MARCHF9: variants seen among roughly 807,000 people sequenced by gnomAD.
MARCHF9 encodes E3 ubiquitin-protein ligase MARCHF9.
A neutral mutation model predicts 35.2 loss-of-function variants in MARCHF9; 17 were observed. The ratio of observed to expected loss-of-function variants is 0.48; its 90% CI spans 0.33 to 0.72. The LOEUF (loss-of-function observed/expected upper bound fraction) is 0.72. Ranked by LOEUF, MARCHF9 falls within the 30% of genes least tolerant of loss-of-function variation. The pLI is 0.02. For missense variants in MARCHF9, 386 were observed against 478.2 expected, an observed-to-expected ratio of 0.81 and a Z score of 1.80; for synonymous variants, 183 against 207.4, an observed-to-expected ratio of 0.88 and a Z score of 1.01.
At chr12:57,756,510 A>C (rs1955288792) in intron 1 of MARCHF9, among the ~76,000 whole-genome samples, 1 of 151,958 alleles carries the variant, frequency 6.6e-6, no homozygotes. Flanking sequence ...AACCCATCCC[A>C]GTTTGCGCCA....
Position 57,758,678 on chromosome 12 carries a change from A to AG in MARCHF9, c.827dup (p.Gly277ArgfsTer115). ...AGACCAAGGACATAGGAGGAGATGCAGGGGGAGGGACGGCAGGGAAGTCAG... is the reference window on the plus strand; with the variant it reads ...AGACCAAGGACATAGGAGGAGATGCAGGGGGGAGGGACGGCAGGGAAGTCAG... On this transcript the variant is annotated frameshift_variant, in exon 4 of 4. Transcript: ENST00000266643. LOFTEE classifies it high-confidence loss of function. This position sits in a 1 kb window ranked among gnomAD's most constrained non-coding sequence, Gnocchi z 5.4. 6.2e-7 allele frequency: 1 copy of AG among 1,613,538 alleles called. No individual in the cohort carries two copies.
Position 57,758,567 on chromosome 12 carries a change from C to T in MARCHF9, c.711C>T (p.Leu237=), listed in dbSNP as rs778347559. The change falls in exon 4 of 4, where the codon CTC becomes CTT. Residue 237 remains leucine (L), a synonymous_variant. Coordinates refer to ENST00000266643, the MANE Select transcript of MARCHF9 (RefSeq NM_138396.6). This position sits in a 1 kb window ranked among gnomAD's most constrained non-coding sequence, Gnocchi z 5.4. ...TTTCTTATTCCTATTGCTCAGGCCTCATCATCCATGAAGGCTCCTCTGTCT... is the reference window on the plus strand; with the variant it reads ...TTTCTTATTCCTATTGCTCAGGCCTTATCATCCATGAAGGCTCCTCTGTCT... ...YGFMDVVCIG[L]IIHEGSSVYR... 3.4e-5 allele frequency: 55 copies of T among 1,605,162 alleles called. No individual in the cohort carries two copies. In the African/African-American group the frequency reaches 6.3e-4, roughly 18 times the overall value.
In MARCHF9 at chr12:57,758,579, A is replaced by G; in HGVS notation, c.723A>G (p.Glu241=). The change falls in exon 4 of 4, where the codon GAA becomes GAG. Residue 241 remains glutamate, a synonymous_variant. Coordinates refer to ENST00000266643, the MANE Select transcript of MARCHF9 (RefSeq NM_138396.6). This position sits in a 1 kb window ranked among gnomAD's most constrained non-coding sequence, Gnocchi z 5.4. ...DVVCIGLIIH[E]GSSVYRIFKR... The stretch of plus-strand genomic sequence containing the variant: ...ATTGCTCAGGCCTCATCATCCATGA[A>G]GGCTCCTCTGTCTACCGCATCTTCA... The G allele has an allele frequency of 1.9e-6, 3 of 1,609,472 alleles. No individual in the cohort carries two copies. The highest frequency in any genetic ancestry group is 2.5e-6 in the Non-Finnish European group (3 of 1,177,038).
chr12:57,758,767 G>C lies in MARCHF9; in HGVS notation c.911G>C (p.Arg304Pro). ...GATSRPPAAQ[R>P]MRTLLPQRCG... ...ACGAGCCGCCCCCCAGCTGCCCAGCGCATGCGGACGCTCTTGCCTCAGCGC... is the reference window on the plus strand; with the variant it reads ...ACGAGCCGCCCCCCAGCTGCCCAGCCCATGCGGACGCTCTTGCCTCAGCGC... The change falls in exon 4 of 4, where the codon CGC (arginine) becomes CCC (proline). Residue 304 changes from arginine (R) to proline (P), a missense_variant. Physicochemically the swap from Arg to Pro is moderately radical, Grantham distance 103. Coordinates refer to ENST00000266643, the MANE Select transcript of MARCHF9 (RefSeq NM_138396.6). The surrounding 1 kb of genome is among the most constrained non-coding windows in gnomAD (Gnocchi z 5.4). 1 of 1,612,686 alleles carries C rather than the reference G, an allele frequency of 6.2e-7. No individual in the cohort carries two copies. The highest frequency in any genetic ancestry group is 8.5e-7 in the Non-Finnish European group (1 of 1,179,480).
chr12:57,757,985 CAG>C, intron 2 of MARCHF9, 121 bp from the exon 3 acceptor site: 1 of 931,154 alleles, frequency 1.1e-6, no homozygotes, highest in Non-Finnish European at 1.7e-6. Flanking sequence ...ACAGAGAAGA[CAG>C]ATGTTGATCC....
In MARCHF9 at chr12:57,758,783, G is replaced by T; in HGVS notation, c.927G>T (p.Leu309Phe). The change falls in exon 4 of 4, where the codon TTG (leucine) becomes TTT (phenylalanine). Residue 309 changes from leucine to phenylalanine, a missense_variant. This residue lies in a region of MARCHF9 where 111 missense variants were observed against 112.4 expected (regional missense o/e 0.99). Coordinates refer to ENST00000266643, the MANE Select transcript of MARCHF9 (RefSeq NM_138396.6). The surrounding 1 kb of genome is among the most constrained non-coding windows in gnomAD (Gnocchi z 5.4). ...CTGCCCAGCGCATGCGGACGCTCTTGCCTCAGCGCTGCGGTTATACAATCT... is the reference window on the plus strand; with the variant it reads ...CTGCCCAGCGCATGCGGACGCTCTTTCCTCAGCGCTGCGGTTATACAATCT... The part of the protein sequence containing the change: ...PPAAQRMRTL[L>F]PQRCGYTILH... 6.2e-7 allele frequency: 1 copy of T among 1,613,430 alleles called. No homozygotes were observed. Among genetic ancestry groups the T allele is most frequent in the Non-Finnish European group, 8.5e-7 (1 of 1,179,854 alleles).
intron 1 of MARCHF9, 162 bp downstream of exon 1, chr12:57,756,047 G>T (rs1955286076): frequency 2.3e-6 from 1 of 435,748 alleles, no homozygotes; most frequent in Non-Finnish European, 3.8e-6. Flanking sequence ...CTCCTGGAGC[G>T]CTTGTTTGTG....
chr12:57,757,093 C>T lies in MARCHF9; in HGVS notation c.513+9C>T, dbSNP rs764398563. 1 of 1,541,968 alleles carries T rather than the reference C, an allele frequency of 6.5e-7. No homozygotes were observed. The highest frequency in any genetic ancestry group is 8.8e-7 in the Non-Finnish European group (1 of 1,142,380). On this transcript the variant is annotated intron_variant, in intron 2 of 3. Transcript: ENST00000266643. Reference sequence around the variant, plus strand: ...CCAAGAACCCACTGCAGGTGAGGTGCAAGGAGAGGACTCGGAGATTGGGCG... The same window carrying T: ...CCAAGAACCCACTGCAGGTGAGGTGTAAGGAGAGGACTCGGAGATTGGGCG...
chr12:57,757,823 C>T, intron 2 of MARCHF9: 2 of 600,840 alleles, frequency 3.3e-6, no homozygotes, highest in Non-Finnish European at 6.0e-6. Context: ...GATTTGAAAA[C>T]TTACCCAAGG....
chr12:57,758,518 A>T lies in MARCHF9; in HGVS notation c.707-45A>T. On this transcript the variant is annotated intron_variant, in intron 3 of 3. Transcript: ENST00000266643. The surrounding 1 kb of genome is among the most constrained non-coding windows in gnomAD (Gnocchi z 5.4). ...GCTTGCTTAAGTACCTCTGGCCTAG[A>T]TCTAGGCCACAGTTAACCCTGGATT... The T allele has an allele frequency of 6.5e-7, 1 of 1,536,958 alleles. No individual in the cohort carries two copies. Among genetic ancestry groups the T allele is most frequent in the Admixed American group, 2.0e-5 (1 of 49,672 alleles).
chr12:57,757,849 G>T, intron 2 of MARCHF9: 1 of 609,544 alleles, frequency 1.6e-6, no homozygotes, highest in Non-Finnish European at 3.0e-6. Context: ...TAGCCAGTAA[G>T]TGATGGAGTC....
chr12:57,757,708 G>C, intron 2 of MARCHF9: 1 of 512,408 alleles, frequency 2.0e-6, no homozygotes, highest in Non-Finnish European at 3.4e-6. Context: ...AATATGTAGT[G>C]TTTTCTGTGT....
At position 57,757,015 on chromosome 12, in the gene MARCHF9, C is replaced by T; in HGVS notation, c.444C>T (p.Gly148=). 6.3e-7 allele frequency: 1 copy of T among 1,575,038 alleles called. No individual in the cohort carries two copies. Among genetic ancestry groups the T allele is most frequent in the Non-Finnish European group, 8.6e-7 (1 of 1,159,472 alleles). The part of the protein sequence containing the change: ...PCLIRWISER[G]SWSCELCYFK... ...TCATCCGCTGGATCAGCGAGAGGGGCTCCTGGAGCTGTGAGCTCTGCTACT... is the reference window on the plus strand; with the variant it reads ...TCATCCGCTGGATCAGCGAGAGGGGTTCCTGGAGCTGTGAGCTCTGCTACT... Residue 148 remains glycine, a synonymous_variant, in exon 2 of 4, where the codon GGC becomes GGT. Coordinates refer to ENST00000266643, the MANE Select transcript of MARCHF9 (RefSeq NM_138396.6).
In MARCHF9 at chr12:57,758,917, G is replaced by A; in HGVS notation, c.*20G>A. On this transcript the variant is annotated 3_prime_UTR_variant, in exon 4 of 4. Transcript: ENST00000266643. This position sits in a 1 kb window ranked among gnomAD's most constrained non-coding sequence, Gnocchi z 5.4. Reference sequence around the variant, plus strand: ...GTCTGAACTGGACTCCAGGAGCAGGGATCTTGAGTCAATGCATCAGTCAGA... The same window carrying A: ...GTCTGAACTGGACTCCAGGAGCAGGAATCTTGAGTCAATGCATCAGTCAGA... 2 of 1,549,972 alleles carry A rather than the reference G, an allele frequency of 1.3e-6. No homozygotes were observed. Among genetic ancestry groups the A allele is most frequent in the South Asian group, 1.2e-5 (1 of 83,324 alleles).
chr12:57,755,770 C>T lies in MARCHF9; in HGVS notation c.242C>T (p.Pro81Leu), dbSNP rs1177667503. 2.1e-5 allele frequency: 26 copies of T among 1,262,624 alleles called. No homozygotes were observed. The highest frequency in any genetic ancestry group is 2.6e-5 in the South Asian group (1 of 39,176). 78.2% of individuals were successfully genotyped at this position (1,262,624 alleles called of 1,614,324 possible). ...DKEPRAGPLP[P>L]PAPPLPPPGA... ...GAGCCGCGGGCCGGACCCCTGCCGC[C>T]GCCCGCGCCGCCGCTGCCGCCCCCG... Residue 81 changes from proline to leucine, a missense_variant, in exon 1 of 4, where the codon CCG (proline) becomes CTG (leucine). Pro to Leu is a moderately conservative substitution (Grantham distance 98). Transcript: ENST00000266643.
Position 57,758,193 on chromosome 12 carries a change from C to G in MARCHF9, c.599C>G (p.Ser200Cys), listed in dbSNP as rs1053573082. ...LGSLFLVASI[S>C]WLIWSSLSPS... Reference sequence around the variant, plus strand: ...TCGCTCTTCCTGGTTGCCAGCATCTCCTGGCTCATCTGGTCCTCACTCAGC... The same window carrying G: ...TCGCTCTTCCTGGTTGCCAGCATCTGCTGGCTCATCTGGTCCTCACTCAGC... Residue 200 changes from serine to cysteine, a missense_variant, in exon 3 of 4, where the codon TCC becomes TGC. Physicochemically the swap from Ser to Cys is moderately radical, Grantham distance 112 (BLOSUM62 -1). This residue lies in a region of MARCHF9 where 219 missense variants were observed against 316.2 expected (regional missense o/e 0.69). Transcript: ENST00000266643. This position sits in a 1 kb window ranked among gnomAD's most constrained non-coding sequence, Gnocchi z 5.4. The G allele has an allele frequency of 6.2e-7, 1 of 1,614,138 alleles. No homozygotes were observed. Among genetic ancestry groups the G allele is most frequent in the African/African-American group, 1.3e-5 (1 of 74,942 alleles).
In MARCHF9 at chr12:57,758,939, C is replaced by A; in HGVS notation, c.*42C>A. On this transcript the variant is annotated 3_prime_UTR_variant, in exon 4 of 4. Transcript: ENST00000266643. This position sits in a 1 kb window ranked among gnomAD's most constrained non-coding sequence, Gnocchi z 5.4. ...AGGGATCTTGAGTCAATGCATCAGT[C>A]AGAGAAGAACTCTCATGGCTGCTGG... 1.3e-6 allele frequency: 2 copies of A among 1,502,386 alleles called. No homozygotes were observed. Among genetic ancestry groups the A allele is most frequent in the South Asian group, 2.6e-5 (2 of 77,694 alleles). The allele number at this position is 1,502,386 out of a possible 1,614,324, so 93.1% of individuals were successfully genotyped here. A position where few individuals can be genotyped will look rare whatever the true frequency, so the allele number is the denominator to read the frequency against.
chr12:57,755,799 G>A lies in MARCHF9; in HGVS notation c.271G>A (p.Ala91Thr). The A allele has an allele frequency of 7.5e-7, 1 of 1,330,922 alleles. No homozygotes were observed. The highest frequency in any genetic ancestry group is 3.4e-5 in the Admixed American group (1 of 29,334). 82.4% of individuals were successfully genotyped at this position (1,330,922 alleles called of 1,614,324 possible). The change falls in exon 1 of 4, where the codon GCG (alanine) becomes ACG (threonine). Residue 91 changes from alanine to threonine, a missense_variant. Physicochemically the swap from Ala to Thr is moderately conservative, Grantham distance 58 (BLOSUM62 0). Coordinates refer to ENST00000266643, the MANE Select transcript of MARCHF9 (RefSeq NM_138396.6). ...PPAPPLPPPG[A>T]LDALSLSSSL... ...CGCGCCGCCGCTGCCGCCCCCGGGC[G>A]CGCTGGACGCCCTGTCGCTCAGCAG...
In MARCHF9 at chr12:57,759,779, C is replaced by G. The variant is rs532741478; in HGVS notation, c.*882C>G. 1 of 152,292 alleles carries G rather than the reference C, an allele frequency of 6.6e-6. No homozygotes were observed. Among genetic ancestry groups the G allele is most frequent in the South Asian group, 2.1e-4 (1 of 4,828 alleles). The allele number at this position is 152,292 out of a possible 1,614,324, so 9.4% of individuals were successfully genotyped here. On this transcript the variant is annotated 3_prime_UTR_variant, in exon 4 of 4. Transcript: ENST00000266643. ...AGAATAGTTGATGGTCCATTTATTT[C>G]AAATAGTAGCTGGTGTAACAAATTC...
Sources: gnomAD v4.1 joint callset for allele counts (sites outside exome capture counted in the v4.1 genomes callset) on GRCh38, gnomAD v4.1.1 for gene constraint, gnomAD v4.1.1 regional missense constraint, Gnocchi (gnomAD v3.1) non-coding constraint, MANE v1.5 for transcripts, NCBI Gene and HGNC (gene_info 2026-07-23, HGNC 2026-07-21) for gene names.